Variants in PCNX2 observed in about 807,000 individuals in gnomAD.
The protein encoded by PCNX2 is pecanex-like protein 2.
PCNX2 carries 168 observed loss-of-function variants against 223.8 expected under a neutral mutation model. The observed-to-expected ratio is 0.75, with a 90% confidence interval of 0.66 to 0.85. The LOEUF (loss-of-function observed/expected upper bound fraction) is 0.85. PCNX2 is among the 40% of genes least tolerant of loss of function. The pLI is 0.00. For missense variants in PCNX2, 2,507 were observed against 2,675.5 expected, an observed-to-expected ratio of 0.94 and a Z score of 1.39; for synonymous variants, 1,006 against 1,052.6, an observed-to-expected ratio of 0.96 and a Z score of 0.86.
At chr1:233,119,590 AAAAAAAAC>A (rs990508595) in intron 21 of PCNX2, among the ~76,000 whole-genome samples, 4 of 133,814 alleles carry the variant, frequency 3.0e-5, no homozygotes, top group Admixed American at 7.1e-5. Flanking sequence ...GTCTCAAAAA[AAAAAAAAC>A]AAAAACAAAA....
chr1:233,120,164 C>CAAAAAAAAAAAA (rs1228898502), intron 21 of PCNX2, among the ~76,000 whole-genome samples: 3 of 42,640 alleles, frequency 7.0e-5, no homozygotes, highest in African/African-American at 9.7e-5. Context: ...GACTCCATTT[C>CAAAAAAAAAAAA]AAAAAAAAAA....
At chr1:233,068,919 C>T (rs897517323) in intron 23 of PCNX2, among the ~76,000 whole-genome samples, 18 of 152,016 alleles carry the variant, frequency 1.2e-4, no homozygotes, top group African/African-American at 2.4e-4. Context: ...CTATGACCTA[C>T]GCTGCCTACA....
intron 1 of PCNX2, among the ~76,000 whole-genome samples, chr1:233,281,924 C>T (rs1237691016): frequency 1.3e-5 from 2 of 152,180 alleles, no homozygotes; most frequent in Non-Finnish European, 2.9e-5. Context: ...CACAGCCCTA[C>T]TCTCAAGGAC....
intron 17 of PCNX2, among the ~76,000 whole-genome samples, chr1:233,166,214 CAAT>C (rs1678787983): frequency 6.6e-6 from 1 of 151,768 alleles, no homozygotes; most frequent in African/African-American, 2.4e-5. Context: ...TTAAATTAAA[CAAT>C]AACAAAAACA....
At chr1:232,987,415 T>C (rs1669533126) in intron 32 of PCNX2, among the ~76,000 whole-genome samples, 2 of 152,232 alleles carry the variant, frequency 1.3e-5, no homozygotes, top group East Asian at 3.8e-4. Flanking sequence ...GTTGCTTAAC[T>C]TGAGCATCCA....
chr1:233,089,960 G>T (rs1258233938), intron 23 of PCNX2, 101 bp downstream of exon 23: 1 of 1,559,016 alleles, frequency 6.4e-7, no homozygotes, highest in Non-Finnish European at 8.6e-7. Flanking sequence ...CCACAGCAGG[G>T]GGAAGCCTGG....
intron 9 of PCNX2, among the ~76,000 whole-genome samples, chr1:233,235,957 A>AAAAAAATATATATATATATATATATAT (rs369886650): frequency 3.2e-5 from 3 of 93,114 alleles, no homozygotes; most frequent in Non-Finnish European, 6.5e-5. Context: ...CATAAAAAAA[A>AAAAAAATATATATATATATATATATAT]ATATATATAT....
At chr1:233,264,835 A>C (rs1660244967) in intron 1 of PCNX2, among the ~76,000 whole-genome samples, 1 of 152,204 alleles carries the variant, frequency 6.6e-6, no homozygotes, top group Non-Finnish European at 1.5e-5. Flanking sequence ...AATACTACTA[A>C]TAGTTTTGGG....
chr1:233,117,988 C>T (rs565550521), intron 21 of PCNX2, among the ~76,000 whole-genome samples: 4 of 144,868 alleles, frequency 2.8e-5, no homozygotes, highest in South Asian at 2.2e-4. Flanking sequence ...CCAGCCTGGG[C>T]GACAGAGCGA....
the PCNX2 span, among the ~76,000 whole-genome samples, chr1:233,318,308 A>G: frequency 1.3e-5 from 2 of 152,116 alleles, no homozygotes; most frequent in East Asian, 3.9e-4. Flanking sequence ...TTGAGGGACT[A>G]TTTTTCCTCA....
At chr1:233,056,985 C>T (rs1672214045) in intron 24 of PCNX2, among the ~76,000 whole-genome samples, 1 of 152,016 alleles carries the variant, frequency 6.6e-6, no homozygotes, top group Non-Finnish European at 1.5e-5. Context: ...ACTAAAATGT[C>T]TTGATTAACA....
intron 1 of PCNX2, among the ~76,000 whole-genome samples, chr1:233,279,644 T>C (rs2103018188): frequency 6.6e-6 from 1 of 152,256 alleles, no homozygotes; most frequent in African/African-American, 2.4e-5. Flanking sequence ...TTGTATTTGT[T>C]TGTTTTCTTT....
chr1:233,167,487 T>C (rs946635374), intron 17 of PCNX2, among the ~76,000 whole-genome samples: 2 of 152,178 alleles, frequency 1.3e-5, no homozygotes, highest in Admixed American at 6.5e-5. Context: ...AGCGATCTAA[T>C]GTACATGAGA....
intron 21 of PCNX2, among the ~76,000 whole-genome samples, chr1:233,128,071 C>T (rs566616462): frequency 1.3e-5 from 2 of 152,284 alleles, no homozygotes; most frequent in African/African-American, 4.8e-5. Flanking sequence ...GCGTGGTAGT[C>T]CATGACAAAG....
chr1:233,241,237 G>A (rs1297781330), intron 8 of PCNX2: 1 of 985,314 alleles, frequency 1.0e-6, no homozygotes, highest in Admixed American at 6.1e-5. Flanking sequence ...GTGGAAGTGA[G>A]GCAAGGCTGG....
the PCNX2 span, among the ~76,000 whole-genome samples, chr1:233,309,077 TTGGG>T: frequency 5.9e-5 from 9 of 152,044 alleles, 1 homozygote; most frequent in South Asian, 1.5e-3. Context: ...GGAAAAAATG[TTGGG>T]TGGGTGTGTG....
chr1:233,087,713 G>A (rs1673675558), intron 23 of PCNX2, among the ~76,000 whole-genome samples: 1 of 152,126 alleles, frequency 6.6e-6, no homozygotes, highest in African/African-American at 2.4e-5. Context: ...GCGTTCTGAT[G>A]CCTTCACAAA....
intron 19 of PCNX2, among the ~76,000 whole-genome samples, chr1:233,144,970 C>CTTTT (rs71173253): frequency 4.4e-5 from 5 of 113,510 alleles, no homozygotes; most frequent in Non-Finnish European, 8.3e-5. Context: ...TTTTTTGTTT[C>CTTTT]TTTTTTTTTT....
Position 233,001,267 on chromosome 1 carries a change from G to T in PCNX2, c.5097+270C>A, listed in dbSNP as rs1251171296. The stretch of plus-strand genomic sequence containing the variant: ...GGCTAAGGCGGGCAGATCACTTAAG[G>T]TCGGGAGTTCGAGATCAGCCTGACC... On this transcript the variant is annotated intron_variant, in intron 29 of 33. Transcript: ENST00000258229. The surrounding 1 kb of genome is among the most constrained non-coding windows in gnomAD (Gnocchi z 4.2). Among the ~76,000 whole-genome samples, 1 of 152,090 alleles carries T rather than the reference G, an allele frequency of 6.6e-6. No individual in the cohort carries two copies. Among genetic ancestry groups the T allele is most frequent in the Non-Finnish European group, 1.5e-5 (1 of 68,026 alleles).
Sources: allele counts gnomAD v4.1 joint callset (sites outside exome capture counted in the v4.1 genomes callset), GRCh38; gene constraint gnomAD v4.1.1; non-coding constraint Gnocchi (gnomAD v3.1); transcripts MANE v1.5; gene names NCBI Gene and HGNC (gene_info 2026-07-23, HGNC 2026-07-21).